Variants in ELF1 observed in about 807,000 individuals in gnomAD.
ELF1 encodes E74 like ETS transcription factor 1.
ELF1 carries 24 observed loss-of-function variants against 59.9 expected under a neutral mutation model. The observed-to-expected ratio is 0.40, with a 90% CI of 0.29 to 0.56. The LOEUF is 0.56. ELF1 is among the 20% of genes least tolerant of loss of function. The probability of loss-of-function intolerance (pLI) is 0.44; values close to 1 mark genes in which losing one functional copy is unlikely to be tolerated. For synonymous variants in ELF1, 248 were observed against 266.2 expected (o/e 0.93, Z 0.67); for missense variants, 627 against 742.2 (o/e 0.84, Z 1.80).
At chr13:40,993,543 T>C (rs1263725160) in intron 1 of ELF1, among the ~76,000 whole-genome samples, 1 of 152,178 alleles carries the variant, frequency 6.6e-6, no homozygotes, top group African/African-American at 2.4e-5. Context: ...GGCAGTGGCA[T>C]GATCCTTGCT....
intron 8 of ELF1, among the ~76,000 whole-genome samples, chr13:40,939,592 T>C (rs1870006691): frequency 6.6e-6 from 1 of 151,962 alleles, no homozygotes; most frequent in Admixed American, 6.5e-5. Context: ...TAGGGAAATA[T>C]AAAACATTAA....
intron 1 of ELF1, among the ~76,000 whole-genome samples, chr13:41,057,642 G>A (rs1441640025): frequency 6.6e-6 from 1 of 152,078 alleles, no homozygotes; most frequent in African/African-American, 2.4e-5. Context: ...AAAGTGCTAG[G>A]ATTACAAGCA....
chr13:40,951,866 T>TA lies in ELF1; in HGVS notation c.254-431dup, dbSNP rs530966733. Among the ~76,000 whole-genome samples the TA allele has an allele frequency of 5.8e-3, 821 of 142,598 alleles. 7 individuals carry two copies. Among genetic ancestry groups the TA allele is most frequent in the South Asian group, 0.013 (60 of 4,512 alleles). The allele number at this position is 142,598 out of a possible 152,430, so 93.5% of individuals were successfully genotyped here. ...TGGGTGACAGAGTGAGACTCTGTCT[T>TA]AAAAAAAAAAAACAGAAACTATTAC... On this transcript the variant is annotated intron_variant, in intron 3 of 8. Coordinates refer to ENST00000239882, the MANE Select transcript of ELF1 (RefSeq NM_172373.4).
At chr13:40,967,025 A>C (rs1467972635) in intron 2 of ELF1, among the ~76,000 whole-genome samples, 2 of 152,214 alleles carry the variant, frequency 1.3e-5, no homozygotes, top group Non-Finnish European at 2.9e-5. Flanking sequence ...AGCCTGTCCA[A>C]TAAGCACACA....
chr13:41,023,032 G>T (rs766736565), upstream of ELF1, among the ~76,000 whole-genome samples: 15 of 152,170 alleles, frequency 9.9e-5, 1 homozygote, highest in Non-Finnish European at 8.8e-5. Context: ...TATAAAATTA[G>T]ATATGGATCA....
At chr13:41,061,155 G>A (rs1877596876) in exon 1 of ELF1, 1 of 196,594 alleles carries the variant, frequency 5.1e-6, no homozygotes, top group Non-Finnish European at 1.1e-5. Context: ...TTGCTCCGCT[G>A]GTCAAAGTGC....
Position 40,943,109 on chromosome 13 carries a change from G to A in ELF1, c.649C>T (p.Leu217=). 6.4e-7 allele frequency: 1 copy of A among 1,555,008 alleles called. No individual in the cohort carries two copies. Among genetic ancestry groups the A allele is most frequent in the Non-Finnish European group, 8.7e-7 (1 of 1,148,488 alleles). ...GGACAAGTAGCCTTGTCCTGGAGCAGTGCCAGTAAAAACTCCCAAAGATAA... is the reference window on the plus strand; with the variant it reads ...GGACAAGTAGCCTTGTCCTGGAGCAATGCCAGTAAAAACTCCCAAAGATAA... ...TIYLWEFLLA[L]LQDKATCPKY... The change falls in exon 7 of 9, where the codon CTG becomes TTG. Residue 217 remains leucine, a synonymous_variant. Coordinates refer to ENST00000239882, the MANE Select transcript of ELF1 (RefSeq NM_172373.4).
rs780809677 is a variant in ELF1, at chr13:40,951,355, C to A, written c.335G>T (p.Gly112Val). The A allele has an allele frequency of 6.2e-7, 1 of 1,612,958 alleles. No homozygotes were observed. Among genetic ancestry groups the A allele is most frequent in the South Asian group, 1.1e-5 (1 of 90,950 alleles). ...TATTCGTTTTTCATCCAGCATAGGG[C>A]CAGGGGAATCCATATTGAGGAGTGC... Reference protein sequence around the residue: ...AEALLNMDSPGPMLDEKRINN... With the variant: ...AEALLNMDSPVPMLDEKRINN... Residue 112 changes from glycine (G) to valine (V), a missense_variant, in exon 4 of 9, where the codon GGC (glycine) becomes GTC (valine). Gly to Val is a moderately radical substitution (Grantham distance 109, BLOSUM62 -3). Around this residue, in one of 3 missense-constraint regions of ELF1, gnomAD observed 232 missense variants for 269.2 expected, o/e 0.86. Transcript: ENST00000239882.
chr13:40,982,677 G>A (rs1267040023), intron 1 of ELF1, among the ~76,000 whole-genome samples: 2 of 151,944 alleles, frequency 1.3e-5, no homozygotes, highest in Admixed American at 1.3e-4. Flanking sequence ...GCTACCCAAT[G>A]AGTAATTTCA....
At chr13:40,954,736 G>C (rs1041420598) in intron 3 of ELF1, among the ~76,000 whole-genome samples, 1 of 150,584 alleles carries the variant, frequency 6.6e-6, no homozygotes, top group Admixed American at 6.6e-5. Context: ...AGACGGAGTC[G>C]CGTTCACTCA....
At chr13:40,940,769 G>T (rs1293679071) in intron 8 of ELF1, 152 bp downstream of exon 8, 2 of 790,452 alleles carry the variant, frequency 2.5e-6, no homozygotes, top group Non-Finnish European at 3.9e-6. Context: ...TGACATAATA[G>T]TAACTGCTCC....
intron 1 of ELF1, among the ~76,000 whole-genome samples, chr13:41,045,960 G>A (rs1400961563): frequency 4.6e-5 from 7 of 152,138 alleles, no homozygotes; most frequent in African/African-American, 1.7e-4. Flanking sequence ...TCATGAATCT[G>A]GGGGCTCCTG....
chr13:40,940,418 A>AAAC (rs878999576), intron 8 of ELF1, among the ~76,000 whole-genome samples: 4 of 140,662 alleles, frequency 2.8e-5, no homozygotes, highest in African/African-American at 1.1e-4. Flanking sequence ...AAAAAAAAAA[A>AAAC]CAAACCTACT....
intron 1 of ELF1, among the ~76,000 whole-genome samples, chr13:40,991,930 A>G (rs1321767938): frequency 3.3e-5 from 5 of 152,230 alleles, no homozygotes; most frequent in Non-Finnish European, 5.9e-5. Context: ...GAGCAAAGCA[A>G]TAACATTGAT....
chr13:40,998,260 G>T (rs1036500150), intron 1 of ELF1, among the ~76,000 whole-genome samples: 4 of 152,162 alleles, frequency 2.6e-5, no homozygotes, highest in Non-Finnish European at 4.4e-5. Context: ...CAACATTCTG[G>T]TGAACAATGA....
chr13:40,999,782 T>C (rs781160164), intron 1 of ELF1, among the ~76,000 whole-genome samples: 3 of 152,210 alleles, frequency 2.0e-5, no homozygotes, highest in Non-Finnish European at 4.4e-5. Flanking sequence ...TCAACAGTGC[T>C]TTTTATTCTG....
At chr13:41,000,992 T>C (rs994103737) in intron 1 of ELF1, among the ~76,000 whole-genome samples, 3 of 151,744 alleles carry the variant, frequency 2.0e-5, no homozygotes, top group Non-Finnish European at 4.4e-5. Flanking sequence ...TTTTTTTTTT[T>C]CTGAGACAGA....
intron 5 of ELF1, among the ~76,000 whole-genome samples, chr13:40,944,251 T>A (rs1489947624): frequency 6.6e-6 from 1 of 152,254 alleles, no homozygotes; most frequent in Non-Finnish European, 1.5e-5. Flanking sequence ...CTTAAACTTT[T>A]GGAGAATGCT....
chr13:41,058,983 A>C (rs1877389877), intron 1 of ELF1, among the ~76,000 whole-genome samples: 1 of 136,054 alleles, frequency 7.4e-6, no homozygotes, highest in South Asian at 2.7e-4. Context: ...CAACAAAAAA[A>C]AGAAGAAAAA....
Sources: gnomAD v4.1 joint callset for allele counts (sites outside exome capture counted in the v4.1 genomes callset) on GRCh38, gnomAD v4.1.1 for gene constraint, gnomAD v4.1.1 regional missense constraint, MANE v1.5 for transcripts, NCBI Gene and HGNC (gene_info 2026-07-23, HGNC 2026-07-21) for gene names.